PRRC2C: variants seen among roughly 807,000 people sequenced by gnomAD.
PRRC2C encodes protein PRRC2C.
Under a neutral mutation model 317.2 loss-of-function variants are expected in PRRC2C, and 72 were observed. The ratio of observed to expected loss-of-function variants is 0.23; its 90% CI spans 0.19 to 0.28. The LOEUF is 0.28. Among genes scored for constraint, PRRC2C ranks in the 10% least tolerant of loss-of-function variants. The probability of loss-of-function intolerance (pLI) is 1.00; values close to 1 mark genes in which losing one functional copy is unlikely to be tolerated. For synonymous variants in PRRC2C, 1,296 were observed against 1,205.9 expected, an observed-to-expected ratio of 1.07 and a Z score of -1.55; for missense variants, 3,074 against 3,459.7, an observed-to-expected ratio of 0.89 and a Z score of 2.80.
At chr1:171,520,432 T>A (rs1444353087) in intron 6 of PRRC2C, among the ~76,000 whole-genome samples, 1 of 152,202 alleles carries the variant, frequency 6.6e-6, no homozygotes, top group Non-Finnish European at 1.5e-5. Context: ...TGGGCATCAT[T>A]CCCACTTTCA....
At chr1:171,550,052 A>G (rs1679911533) in intron 17 of PRRC2C, 34 bp from the exon 18 acceptor site, 1 of 1,509,840 alleles carries the variant, frequency 6.6e-7, no homozygotes, top group Non-Finnish European at 8.8e-7. Context: ...TTTGAAAAAC[A>G]GAAAATATCT....
chr1:171,568,097 A>G (rs1684016056), intron 22 of PRRC2C, 150 bp from the exon 23 acceptor site: 2 of 1,178,750 alleles, frequency 1.7e-6, no homozygotes, highest in South Asian at 2.5e-5. Context: ...AGGCACAAGA[A>G]TCACTTGAGC....
chr1:171,588,904 G>T (rs753111820), intron 33 of PRRC2C, among the ~76,000 whole-genome samples: 6 of 152,098 alleles, frequency 3.9e-5, no homozygotes, highest in Non-Finnish European at 8.8e-5. Context: ...TTTAATATAT[G>T]TAAAAAATGT....
At chr1:171,507,755 G>T (rs1670532295) in intron 1 of PRRC2C, among the ~76,000 whole-genome samples, 2 of 152,092 alleles carry the variant, frequency 1.3e-5, no homozygotes, top group Non-Finnish European at 2.9e-5. Flanking sequence ...TTCTTTGCTG[G>T]CTTGTTAACA....
intron 1 of PRRC2C, among the ~76,000 whole-genome samples, chr1:171,508,539 G>A (rs1363984272): frequency 4.6e-5 from 7 of 152,192 alleles, no homozygotes; most frequent in Non-Finnish European, 7.3e-5. Context: ...TTGATTTTAA[G>A]TAGGGAAGTT....
intron 5 of PRRC2C, 134 bp downstream of exon 5, chr1:171,515,993 A>G (rs2102282273): frequency 3.2e-6 from 3 of 952,136 alleles, no homozygotes; most frequent in East Asian, 2.8e-5. Flanking sequence ...GTCACTTGCT[A>G]CTCAGGTATG....
At chr1:171,532,997 TACAA>T (rs1676145980) in intron 12 of PRRC2C, 36 bp downstream of exon 12, 2 of 1,492,268 alleles carry the variant, frequency 1.3e-6, no homozygotes, top group Non-Finnish European at 1.8e-6. Context: ...TTAAAAACTT[TACAA>T]AGAGCTTTAT....
chr1:171,566,477 C>A (rs1683688056), intron 21 of PRRC2C, 56 bp downstream of exon 21: 1 of 1,492,646 alleles, frequency 6.7e-7, no homozygotes, highest in Non-Finnish European at 8.9e-7. Context: ...ACATGAAGAG[C>A]AAATAATACT....
chr1:171,557,723 G>A lies in PRRC2C; in HGVS notation c.5611G>A (p.Ala1871Thr). The A allele has an allele frequency of 1.9e-6, 3 of 1,551,210 alleles. No homozygotes were observed. Among genetic ancestry groups the A allele is most frequent in the Non-Finnish European group, 2.6e-6 (3 of 1,146,904 alleles). Residue 1871 changes from alanine to threonine, a missense_variant, in exon 19 of 35, where the codon GCA becomes ACA. Ala to Thr is a moderately conservative substitution (Grantham distance 58). This residue lies in a region of PRRC2C where 640 missense variants were observed against 676.1 expected (regional missense o/e 0.95). Coordinates refer to ENST00000647382, the MANE Select transcript of PRRC2C (RefSeq NM_001387844.1). ...AATTCCCATTCTTGCTTCAGCCCTA[G>A]CATCAACTTCAGCTCCAACGCCAGC... Reference protein sequence around the residue: ...ASIPILASALASTSAPTPAPA... With the variant: ...ASIPILASALTSTSAPTPAPA...
chr1:171,586,063 A>ATTTTTTTTTTT lies in PRRC2C; in HGVS notation c.7750-929_7750-919dup, dbSNP rs920423722. On this transcript the variant is annotated intron_variant, in intron 30 of 34. Transcript: ENST00000647382. ...ATCCGTCGCAGGAGGTCAGGTGTTG[A>ATTTTTTTTTTT]TTTTTTTTTTTTTTTTTTTTTGAGA... 7.1e-3 allele frequency among the ~76,000 whole-genome samples: 589 copies of ATTTTTTTTTTT among 83,014 alleles called. 92 individuals carry two copies. Among genetic ancestry groups the ATTTTTTTTTTT allele is most frequent in the African/African-American group, 0.018 (387 of 21,194 alleles). 54.5% of individuals were successfully genotyped at this position (83,014 alleles called of 152,430 possible). A position where few individuals can be genotyped will look rare whatever the true frequency, so the allele number is the denominator to read the frequency against.
At chr1:171,538,727 T>A (rs958730227) in intron 15 of PRRC2C, among the ~76,000 whole-genome samples, 4 of 152,172 alleles carry the variant, frequency 2.6e-5, no homozygotes, top group African/African-American at 9.7e-5. Flanking sequence ...TATTTTTATT[T>A]TTTGAGAAGG....
chr1:171,556,721 A>G lies in PRRC2C; in HGVS notation c.5128-519A>G, dbSNP rs77027056. ...GTAGATTTTGGATTCCTGGCCTACA[A>G]AAGTATCTATTGTAATTTATATTAG... On this transcript the variant is annotated intron_variant, in intron 18 of 34. Coordinates refer to ENST00000647382, the MANE Select transcript of PRRC2C (RefSeq NM_001387844.1). Among the ~76,000 whole-genome samples, 434 of 152,380 alleles carry G rather than the reference A, an allele frequency of 2.8e-3. 3 individuals carry two copies. The highest frequency in any genetic ancestry group is 0.01 in the Middle Eastern group (3 of 294).
chr1:171,503,997 C>T (rs774135135), intron 1 of PRRC2C, among the ~76,000 whole-genome samples: 3 of 152,176 alleles, frequency 2.0e-5, no homozygotes, highest in Non-Finnish European at 2.9e-5. Flanking sequence ...CACCGAGTCC[C>T]TCCCATGACA....
intron 28 of PRRC2C, among the ~76,000 whole-genome samples, chr1:171,580,645 TTTTTG>T (rs757111638): frequency 6.0e-4 from 92 of 152,286 alleles, no homozygotes; most frequent in Admixed American, 2.7e-3. Context: ...GGTGAGGCTT[TTTTTG>T]TTTTGTTTTG....
Position 171,588,406 on chromosome 1 carries a change from G to C in PRRC2C, c.8100G>C (p.Gln2700His). The C allele has an allele frequency of 4.3e-6, 7 of 1,613,772 alleles. No homozygotes were observed. The highest frequency in any genetic ancestry group is 5.9e-6 in the Non-Finnish European group (7 of 1,179,762). ...FRATSTSPNS[Q>H]SSKMNSIVYQ... Reference sequence around the variant, plus strand: ...CTACTTCTACAAGTCCGAACAGCCAGTCCAGCAAAATGAACAGCATTGTCT... The same window carrying C: ...CTACTTCTACAAGTCCGAACAGCCACTCCAGCAAAATGAACAGCATTGTCT... The change falls in exon 33 of 35, where the codon CAG becomes CAC. Residue 2700 changes from glutamine (Q) to histidine (H), a missense_variant. Gln to His is a conservative substitution (Grantham distance 24). Around this residue, in one of 11 missense-constraint regions of PRRC2C, gnomAD observed 490 missense variants for 663.1 expected, o/e 0.74. Coordinates refer to ENST00000647382, the MANE Select transcript of PRRC2C (RefSeq NM_001387844.1).
At position 171,532,624 on chromosome 1, in the gene PRRC2C, A is replaced by AAAAGAACGGGAGCGTGAG. The variant is rs1452162930; in HGVS notation, c.1544_1561dup (p.Arg515_Glu520dup). The AAAAGAACGGGAGCGTGAG allele has an allele frequency of 1.9e-6, 3 of 1,552,868 alleles. No homozygotes were observed. The highest frequency in any genetic ancestry group is 2.6e-6 in the Non-Finnish European group (3 of 1,147,672). On this transcript the variant is annotated inframe_insertion, in exon 12 of 35. Coordinates refer to ENST00000647382, the MANE Select transcript of PRRC2C (RefSeq NM_001387844.1). ...AGGAAATTAGGGAAAGGGAGCGAGAAAAAGAACGGGAGCGTGAGAAAGAAC... is the reference window on the plus strand; with the variant it reads ...AGGAAATTAGGGAAAGGGAGCGAGAAAAAGAACGGGAGCGTGAGAAAGAACGGGAGCGTGAGAAAGAAC...
In PRRC2C at chr1:171,514,653, G is replaced by A; in HGVS notation, c.400+8G>A. On this transcript the variant is annotated splice_region_variant and intron_variant, in intron 4 of 34. Coordinates refer to ENST00000647382, the MANE Select transcript of PRRC2C (RefSeq NM_001387844.1). ...AAGGTGGGCAAGGAGATGGTAAGTG[G>A]ACATTAGTTGGGGAAGCTGCCTAGG... The A allele has an allele frequency of 1.3e-6, 2 of 1,551,970 alleles. No individual in the cohort carries two copies. The highest frequency in any genetic ancestry group is 1.7e-6 in the Non-Finnish European group (2 of 1,146,732).
At chr1:171,533,021 A>C in intron 12 of PRRC2C, 60 bp downstream of exon 12, 3 of 1,435,532 alleles carry the variant, frequency 2.1e-6, no homozygotes, top group African/African-American at 2.9e-5. Context: ...TGTTGGTTAC[A>C]GTTTGGGGTT....
At chr1:171,524,994 A>G (rs1471715343) in intron 10 of PRRC2C, 29 bp downstream of exon 10, 4 of 1,528,558 alleles carry the variant, frequency 2.6e-6, no homozygotes, top group Non-Finnish European at 3.6e-6. Flanking sequence ...GATCCTTGTT[A>G]TTGCAAGGAT....
Sources: allele counts gnomAD v4.1 joint callset (sites outside exome capture counted in the v4.1 genomes callset), GRCh38; gene constraint gnomAD v4.1.1; regional missense constraint gnomAD v4.1.1; transcripts MANE v1.5; gene names NCBI Gene and HGNC (gene_info 2026-07-23, HGNC 2026-07-21).